The following FAM124B variants were observed in gnomAD, a reference collection of about 807,000 sequenced individuals.
FAM124B encodes family with sequence similarity 124 member B, also known as protein FAM124B.
In FAM124B, 18 loss-of-function variants were observed where a neutral mutation model predicts 19.7. That is an observed-to-expected ratio of 0.92 (90% CI 0.63 to 1.36). The LOEUF (loss-of-function observed/expected upper bound fraction) is 1.36, where lower values mean the gene tolerates loss of function less well. Among genes scored for constraint, FAM124B ranks in the 40% most tolerant of loss-of-function variants. The pLI, the probability that FAM124B is intolerant of heterozygous loss-of-function variation, is 0.00. For missense variants in FAM124B, 540 were observed against 553.3 expected (o/e 0.98, Z 0.24); for synonymous variants, 223 against 225.2 (o/e 0.99, Z 0.09).
intron 1 of FAM124B, among the ~76,000 whole-genome samples, chr2:224,398,640 G>A (rs1422347594): frequency 6.6e-6 from 1 of 152,166 alleles, no homozygotes; most frequent in Non-Finnish European, 1.5e-5. Flanking sequence ...AAGTCTCTGA[G>A]GTTTGGAGGT....
intron 1 of FAM124B, among the ~76,000 whole-genome samples, chr2:224,390,020 A>C (rs571800662): frequency 7.2e-4 from 110 of 152,090 alleles, no homozygotes; most frequent in African/African-American, 2.3e-3. Flanking sequence ...GACACCCCCC[A>C]CAACAAAGAA....
chr2:224,401,838 TGAA>T lies in FAM124B; in HGVS notation c.-73_-71del. The T allele has an allele frequency of 6.5e-7, 1 of 1,527,156 alleles. No homozygotes were observed. Among genetic ancestry groups the T allele is most frequent in the Non-Finnish European group, 8.8e-7 (1 of 1,136,458 alleles). The allele number at this position is 1,527,156 out of a possible 1,614,324, so 94.6% of individuals were successfully genotyped here. A position where few individuals can be genotyped will look rare whatever the true frequency, so the allele number is the denominator to read the frequency against. On this transcript the variant is annotated 5_prime_UTR_variant, in exon 1 of 2. Transcript: ENST00000409685. ...CCACTGTTCAAGTTTCTGAAATGAA[TGAA>T]GAAGCGGCCCAGCCTTCAGCCCGCC...
chr2:224,383,288 G>A (rs1190291585), intron 1 of FAM124B, among the ~76,000 whole-genome samples: 2 of 152,258 alleles, frequency 1.3e-5, no homozygotes, highest in Non-Finnish European at 2.9e-5. Context: ...GAAAAGCTAG[G>A]CTTCGAGTAG....
Position 224,401,066 on chromosome 2 carries a change from C to T in FAM124B, c.703G>A (p.Asp235Asn), listed in dbSNP as rs375430957. The change falls in exon 1 of 2, where the codon GAC (aspartate) becomes AAC (asparagine). Residue 235 changes from aspartate to asparagine, a missense_variant. By Grantham distance (23) the Asp-to-Asn change is conservative. Transcript: ENST00000409685. ...PISSTRWQTQ[D>N]YDGNKILLQV... ...AGCAGAATCTTGTTGCCATCGTAGT[C>T]CTGAGTCTGCCACCTGGTGCTGCTG... 18 of 1,608,858 alleles carry T rather than the reference C, an allele frequency of 1.1e-5. No individual in the cohort carries two copies. The African/African-American group carries it at 2.4e-4, about 22-fold the overall frequency.
At position 224,379,718 on chromosome 2, in the gene FAM124B, T is replaced by C. The variant is rs1274072935; in HGVS notation, c.1223A>G (p.Asn408Ser). ...AGAGACTCTTTCCTTAAGGACACTG[T>C]TGTTTTTGGAGGTAGCCACCCCCAA... ...SSLGVATSKN[N>S]SVLKERVSPL... Residue 408 changes from asparagine to serine, a missense_variant, in exon 2 of 2, where the codon AAC becomes AGC. Transcript: ENST00000409685. 25 of 1,551,636 alleles carry C rather than the reference T, an allele frequency of 1.6e-5. No individual in the cohort carries two copies. The highest frequency in any genetic ancestry group is 2.0e-5 in the Non-Finnish European group (23 of 1,146,986).
At chr2:224,384,075 A>T (rs955690369) in intron 1 of FAM124B, among the ~76,000 whole-genome samples, 1 of 152,128 alleles carries the variant, frequency 6.6e-6, no homozygotes, top group Non-Finnish European at 1.5e-5. Context: ...TGAAGCCCCA[A>T]CCAGTGCCGA....
At chr2:224,391,009 CTTATTT>C (rs1260304748) in intron 1 of FAM124B, among the ~76,000 whole-genome samples, 4 of 149,778 alleles carry the variant, frequency 2.7e-5, no homozygotes, top group Admixed American at 6.6e-5. Flanking sequence ...GGCCAACAAA[CTTATTT>C]TTAATTAGAA....
At chr2:224,382,405 CTTTTTTT>C (rs71062905) in intron 1 of FAM124B, among the ~76,000 whole-genome samples, 1 of 106,408 alleles carries the variant, frequency 9.4e-6, no homozygotes, top group Non-Finnish European at 1.8e-5. Flanking sequence ...GATTCCCTGT[CTTTTTTT>C]TTTTTTTTTT....
At chr2:224,385,177 T>C (rs909889964) in intron 1 of FAM124B, among the ~76,000 whole-genome samples, 2 of 152,206 alleles carry the variant, frequency 1.3e-5, no homozygotes, top group African/African-American at 4.8e-5. Context: ...CTGCCTCTTC[T>C]TACACCACGC....
intron 1 of FAM124B, among the ~76,000 whole-genome samples, chr2:224,397,672 G>C (rs1038212373): frequency 6.6e-6 from 1 of 152,218 alleles, no homozygotes; most frequent in Non-Finnish European, 1.5e-5. Context: ...CTTAGATGGA[G>C]ATGAGGAGCT....
chr2:224,397,790 A>T (rs993355532), intron 1 of FAM124B, among the ~76,000 whole-genome samples: 8 of 152,180 alleles, frequency 5.3e-5, no homozygotes, highest in African/African-American at 1.2e-4. Context: ...GAGGGAGATG[A>T]TTTAGGGTAT....
Position 224,379,846 on chromosome 2 carries a change from G to T in FAM124B, c.1095C>A (p.Thr365=). ...QKLEAETNVD[T]GLTIINSEPR... ...GTTCAGAATTTATGATGGTCAAGCC[G>T]GTGTCAACATTCGTCTCGGCCTCAA... Residue 365 remains threonine, a synonymous_variant, in exon 2 of 2, where the codon ACC becomes ACA. Coordinates refer to ENST00000409685, the MANE Select transcript of FAM124B (RefSeq NM_001122779.2). The T allele has an allele frequency of 6.4e-7, 1 of 1,552,086 alleles. No individual in the cohort carries two copies. Among genetic ancestry groups the T allele is most frequent in the Non-Finnish European group, 8.7e-7 (1 of 1,147,086 alleles).
intron 1 of FAM124B, among the ~76,000 whole-genome samples, chr2:224,396,125 C>T (rs546767544): frequency 2.6e-5 from 4 of 152,240 alleles, no homozygotes; most frequent in South Asian, 4.2e-4. Flanking sequence ...CCCAAAAAGT[C>T]CCCCCGCTCT....
chr2:224,387,259 C>T (rs1213781410), intron 1 of FAM124B, among the ~76,000 whole-genome samples: 1 of 152,154 alleles, frequency 6.6e-6, no homozygotes, highest in Non-Finnish European at 1.5e-5. Flanking sequence ...GTTCAAGGAA[C>T]ATCAGCATTA....
chr2:224,386,345 C>T (rs548793254), intron 1 of FAM124B, among the ~76,000 whole-genome samples: 5 of 152,308 alleles, frequency 3.3e-5, no homozygotes, highest in East Asian at 1.9e-4. Context: ...CAAGCTTACA[C>T]AGCATTGAGA....
Position 224,401,487 on chromosome 2 carries a change from C to T in FAM124B, c.282G>A (p.Trp94Ter). 4 of 1,614,102 alleles carry T rather than the reference C, an allele frequency of 2.5e-6. No individual in the cohort carries two copies. The highest frequency in any genetic ancestry group is 3.4e-6 in the Non-Finnish European group (4 of 1,180,024). ...RVLDSLQHSP[W>*]QCYPTQDTRG... Reference sequence around the variant, plus strand: ...GAGTGTCCTGGGTGGGGTAGCACTGCCATGGCGAATGCTGGAGAGAGTCCA... The same window carrying T: ...GAGTGTCCTGGGTGGGGTAGCACTGTCATGGCGAATGCTGGAGAGAGTCCA... The change falls in exon 1 of 2, where the codon TGG (tryptophan) becomes TGA (stop). Residue 94 changes from tryptophan to a stop codon, truncating the protein, a stop_gained. Transcript: ENST00000409685. LOFTEE classifies it high-confidence loss of function.
Position 224,401,504 on chromosome 2 carries a change from G to T in FAM124B, c.265C>A (p.Leu89Ile), listed in dbSNP as rs767095913. 4 of 1,614,044 alleles carry T rather than the reference G, an allele frequency of 2.5e-6. No individual in the cohort carries two copies. Among genetic ancestry groups the T allele is most frequent in the Admixed American group, 1.7e-5 (1 of 59,998 alleles). Reference sequence around the variant, plus strand: ...TAGCACTGCCATGGCGAATGCTGGAGAGAGTCCAGGACGCGAAATAGCCTA... The same window carrying T: ...TAGCACTGCCATGGCGAATGCTGGATAGAGTCCAGGACGCGAAATAGCCTA... The part of the protein sequence containing the change: ...EDRLFRVLDS[L>I]QHSPWQCYPT... Residue 89 changes from leucine (L) to isoleucine (I), a missense_variant, in exon 1 of 2, where the codon CTC becomes ATC. Transcript: ENST00000409685.
At chr2:224,398,511 T>C (rs1345578978) in intron 1 of FAM124B, among the ~76,000 whole-genome samples, 3 of 152,220 alleles carry the variant, frequency 2.0e-5, no homozygotes, top group Non-Finnish European at 4.4e-5. Flanking sequence ...CAGGCACTTT[T>C]ATTATATGAC....
chr2:224,379,839 T>C lies in FAM124B; in HGVS notation c.1102A>G (p.Thr368Ala). ...TGCCTGGGTTCAGAATTTATGATGGTCAAGCCGGTGTCAACATTCGTCTCG... is the reference window on the plus strand; with the variant it reads ...TGCCTGGGTTCAGAATTTATGATGGCCAAGCCGGTGTCAACATTCGTCTCG... ...EAETNVDTGL[T>A]IINSEPRQTY... The change falls in exon 2 of 2, where the codon ACC (threonine) becomes GCC (alanine). Residue 368 changes from threonine (T) to alanine (A), a missense_variant. Thr to Ala is a moderately conservative substitution (Grantham distance 58). Transcript: ENST00000409685. 6.4e-7 allele frequency: 1 copy of C among 1,551,970 alleles called. No individual in the cohort carries two copies. Among genetic ancestry groups the C allele is most frequent in the Non-Finnish European group, 8.7e-7 (1 of 1,147,050 alleles).
Sources: allele counts gnomAD v4.1 joint callset (sites outside exome capture counted in the v4.1 genomes callset), GRCh38; gene constraint gnomAD v4.1.1; transcripts MANE v1.5; gene names NCBI Gene and HGNC (gene_info 2026-07-23, HGNC 2026-07-21).